KHDRBS2: variants seen among roughly 807,000 people sequenced by gnomAD.
The protein encoded by KHDRBS2 is KH RNA binding domain containing, signal transduction associated 2.
Under a neutral mutation model 44.3 loss-of-function variants are expected in KHDRBS2, and 26 were observed. The ratio of observed to expected loss-of-function variants is 0.59; its 90% CI spans 0.43 to 0.81. The LOEUF is 0.81. Ranked by LOEUF, KHDRBS2 falls within the 40% of genes least tolerant of loss-of-function variation. The pLI, the probability that KHDRBS2 is intolerant of heterozygous loss-of-function variation, is 0.00. For synonymous variants in KHDRBS2, 194 were observed against 151.1 expected (o/e 1.28, Z -2.08); for missense variants, 476 against 433.1 (o/e 1.10, Z -0.88).
chr6:61,869,094 C>T (rs188823277), intron 6 of KHDRBS2, among the ~76,000 whole-genome samples: 8 of 152,230 alleles, frequency 5.3e-5, no homozygotes, highest in Non-Finnish European at 8.8e-5. Context: ...GGTTCCCTTG[C>T]GTCCACATTA....
At chr6:61,815,094 A>AT (rs796420397) in intron 6 of KHDRBS2, among the ~76,000 whole-genome samples, 105 of 145,604 alleles carry the variant, frequency 7.2e-4, no homozygotes, top group South Asian at 1.3e-3. Context: ...ACAACCACTC[A>AT]TTTTTTTTTT....
chr6:61,764,636 G>A (rs1221119908), intron 6 of KHDRBS2, among the ~76,000 whole-genome samples: 6 of 151,920 alleles, frequency 3.9e-5, no homozygotes, highest in East Asian at 3.9e-4. Context: ...CAGTGATATC[G>A]AGCTTTTTTT....
At chr6:62,072,150 A>T (rs561762521) in intron 2 of KHDRBS2, among the ~76,000 whole-genome samples, 3 of 151,868 alleles carry the variant, frequency 2.0e-5, no homozygotes, top group Non-Finnish European at 4.4e-5. Context: ...TTTGTCTGTT[A>T]TTGGTGTATA....
At chr6:61,839,305 C>G (rs968398584) in intron 6 of KHDRBS2, among the ~76,000 whole-genome samples, 3 of 151,966 alleles carry the variant, frequency 2.0e-5, no homozygotes, top group Non-Finnish European at 2.9e-5. Context: ...CTCCCCACCC[C>G]TCTCCATGAC....
chr6:62,112,614 C>A (rs1361995207), intron 2 of KHDRBS2, among the ~76,000 whole-genome samples: 1 of 152,018 alleles, frequency 6.6e-6, no homozygotes, highest in East Asian at 1.9e-4. Flanking sequence ...TATGAGAATC[C>A]TTTTCATAAA....
chr6:61,735,950 T>G (rs988433777), intron 6 of KHDRBS2, among the ~76,000 whole-genome samples: 1 of 152,028 alleles, frequency 6.6e-6, no homozygotes, highest in Admixed American at 6.6e-5. Flanking sequence ...CTTTTACAAT[T>G]TTTATCTCTG....
At chr6:61,600,049 C>A in the KHDRBS2 span, among the ~76,000 whole-genome samples, 1 of 152,156 alleles carries the variant, frequency 6.6e-6, no homozygotes, top group African/African-American at 2.4e-5. Context: ...TAAGGCTAGT[C>A]TGCATAAATG....
chr6:61,790,294 T>C (rs932745766), intron 6 of KHDRBS2, among the ~76,000 whole-genome samples: 6 of 151,382 alleles, frequency 4.0e-5, no homozygotes, highest in Admixed American at 4.0e-4. Context: ...TCCTTTTATT[T>C]CAACAAGATT....
chr6:61,751,400 T>C (rs1358520574), intron 6 of KHDRBS2, among the ~76,000 whole-genome samples: 1 of 152,182 alleles, frequency 6.6e-6, no homozygotes, highest in Non-Finnish European at 1.5e-5. Flanking sequence ...GAATTGTGTA[T>C]GAGATAAACT....
Position 62,179,751 on chromosome 6 carries a change from G to T in KHDRBS2, c.92-2439C>A, listed in dbSNP as rs1248349318. On this transcript the variant is annotated intron_variant, in intron 1 of 8. Transcript: ENST00000281156. ...AGGCTTTTTTAGACATCTGCAATTT[G>T]ATCAGGCCAGGATTAATTCTAATAA... Among the ~76,000 whole-genome samples the T allele has an allele frequency of 3.3e-5, 5 of 151,884 alleles. No individual in the cohort carries two copies. In the East Asian group the frequency reaches 9.7e-4, roughly 29 times the overall value.
At chr6:62,098,536 AAATAT>A (rs1801161197) in intron 2 of KHDRBS2, among the ~76,000 whole-genome samples, 2 of 152,110 alleles carry the variant, frequency 1.3e-5, no homozygotes, top group South Asian at 4.1e-4. Context: ...CTTCCGTATT[AAATAT>A]TTGCTTCTTT....
rs527970025 is a variant in KHDRBS2, at chr6:61,699,039, C to A, written c.894-1786G>T. Reference sequence around the variant, plus strand: ...TTTGCTTATTTATTTATTGGCTGTTCCCCTCTTCTAGAATATAAACTTCTT... The same window carrying A: ...TTTGCTTATTTATTTATTGGCTGTTACCCTCTTCTAGAATATAAACTTCTT... On this transcript the variant is annotated intron_variant, in intron 7 of 8. Transcript: ENST00000281156. Among the ~76,000 whole-genome samples, 9 of 152,114 alleles carry A rather than the reference C, an allele frequency of 5.9e-5. No individual in the cohort carries two copies. In the South Asian group the frequency reaches 1.7e-3, roughly 28 times the overall value.
the KHDRBS2 span, among the ~76,000 whole-genome samples, chr6:61,581,372 A>G: frequency 6.6e-6 from 1 of 151,984 alleles, no homozygotes; most frequent in African/African-American, 2.4e-5. Context: ...TGTGTTTCTG[A>G]CCACAGAAAT....
At chr6:62,075,025 C>T (rs781233498) in intron 2 of KHDRBS2, among the ~76,000 whole-genome samples, 3 of 151,848 alleles carry the variant, frequency 2.0e-5, no homozygotes, top group Admixed American at 6.6e-5. Context: ...TGTGTGTACA[C>T]GTGAAATACA....
chr6:61,920,267 C>T (rs1807819991), intron 4 of KHDRBS2, among the ~76,000 whole-genome samples: 1 of 151,856 alleles, frequency 6.6e-6, no homozygotes, highest in African/African-American at 2.4e-5. Context: ...CCGTGAAATG[C>T]TAGTCATTCT....
chr6:61,644,190 A>C, the KHDRBS2 span, among the ~76,000 whole-genome samples: 5 of 152,130 alleles, frequency 3.3e-5, no homozygotes, highest in Non-Finnish European at 7.3e-5. Flanking sequence ...AGCCAACAAA[A>C]ACAAGCAATG....
At chr6:61,715,723 T>A (rs901291031) in intron 7 of KHDRBS2, among the ~76,000 whole-genome samples, 1 of 151,936 alleles carries the variant, frequency 6.6e-6, no homozygotes, top group African/African-American at 2.4e-5. Flanking sequence ...CTCTAATTGT[T>A]TACAAATAGT....
At chr6:61,909,760 T>C (rs1805710220) in intron 4 of KHDRBS2, among the ~76,000 whole-genome samples, 1 of 152,148 alleles carries the variant, frequency 6.6e-6, no homozygotes, top group Non-Finnish European at 1.5e-5. Context: ...ATGATGGCAT[T>C]TTGCCCAAAT....
chr6:61,710,803 T>C (rs983712375), intron 7 of KHDRBS2, among the ~76,000 whole-genome samples: 5 of 145,612 alleles, frequency 3.4e-5, no homozygotes, highest in Non-Finnish European at 7.5e-5. Flanking sequence ...GCTCTTTTTT[T>C]TTTTTTTTTA....
Sources: allele counts gnomAD v4.1 joint callset (sites outside exome capture counted in the v4.1 genomes callset), GRCh38; gene constraint gnomAD v4.1.1; transcripts MANE v1.5; gene names NCBI Gene and HGNC (gene_info 2026-07-23, HGNC 2026-07-21).